SGIP1: variants seen among roughly 807,000 people sequenced by gnomAD.
The protein encoded by SGIP1 is SH3GL interacting endocytic adaptor 1, also known as SH3-containing GRB2-like protein 3-interacting protein 1.
Under a neutral mutation model 107.5 loss-of-function variants are expected in SGIP1, and 38 were observed. The observed-to-expected ratio is 0.35, with a 90% CI of 0.27 to 0.46. SGIP1 has a LOEUF of 0.46. SGIP1 is among the 20% of genes least tolerant of loss of function. SGIP1 has a pLI of 1.00. For synonymous variants in SGIP1, 365 were observed against 366.1 expected (o/e 1.00, Z 0.03); for missense variants, 929 against 1,019.5 (o/e 0.91, Z 1.21).
intron 18 of SGIP1, among the ~76,000 whole-genome samples, chr1:66,717,158 A>G (rs916689116): frequency 3.3e-5 from 5 of 152,198 alleles, no homozygotes; most frequent in Non-Finnish European, 7.4e-5. Context: ...AGATTTATCT[A>G]TCCTCCTCAC....
At chr1:66,588,384 A>G (rs1037595174) in intron 1 of SGIP1, among the ~76,000 whole-genome samples, 1 of 152,028 alleles carries the variant, frequency 6.6e-6, no homozygotes, top group African/African-American at 2.4e-5. Context: ...GCAAAACAAA[A>G]AAATATTAGA....
chr1:66,533,773 G>T (rs1375214883), upstream of SGIP1: 1 of 152,590 alleles, frequency 6.6e-6, no homozygotes, highest in Admixed American at 6.5e-5. Context: ...AAGAAAGAAA[G>T]AAAGAAAAAG....
rs12754131 is a variant in SGIP1, at chr1:66,750,034, G to T, written c.*6939G>T. Reference sequence around the variant, plus strand: ...CTCTCTCTTTCTCTGTGTGTGTGTGGGGGTGTGTGTGTGTGTGTGTGTGTG... The same window carrying T: ...CTCTCTCTTTCTCTGTGTGTGTGTGTGGGTGTGTGTGTGTGTGTGTGTGTG... On this transcript the variant is annotated 3_prime_UTR_variant, in exon 25 of 25. Coordinates refer to ENST00000371037, the MANE Select transcript of SGIP1 (RefSeq NM_032291.4). 1.2e-3 allele frequency among the ~76,000 whole-genome samples: 110 copies of T among 92,122 alleles called. No homozygotes were observed. The highest frequency in any genetic ancestry group is 3.7e-3 in the African/African-American group (97 of 26,070). The allele number at this position is 92,122 out of a possible 152,430, so 60.4% of individuals were successfully genotyped here.
intron 1 of SGIP1, among the ~76,000 whole-genome samples, chr1:66,593,384 T>C (rs1469127770): frequency 6.6e-6 from 1 of 152,206 alleles, no homozygotes; most frequent in African/African-American, 2.4e-5. Context: ...TCTTCCAAAG[T>C]GGCTGTACCA....
intron 7 of SGIP1, among the ~76,000 whole-genome samples, chr1:66,656,580 C>G (rs560288024): frequency 6.6e-6 from 1 of 152,298 alleles, no homozygotes; most frequent in Admixed American, 6.5e-5. Context: ...GGACCACCAT[C>G]GTATACGCAG....
intron 1 of SGIP1, among the ~76,000 whole-genome samples, chr1:66,621,675 T>C (rs541395497): frequency 6.0e-4 from 92 of 152,362 alleles, no homozygotes; most frequent in African/African-American, 2.1e-3. Context: ...CTCTGGAAAT[T>C]TCATATAAAT....
chr1:66,691,794 C>G lies in SGIP1; in HGVS notation c.1570+1478C>G, dbSNP rs542661010. 5.9e-5 allele frequency among the ~76,000 whole-genome samples: 9 copies of G among 152,302 alleles called. No homozygotes were observed. In the South Asian group the frequency reaches 1.7e-3, roughly 28 times the overall value. On this transcript the variant is annotated intron_variant, in intron 17 of 24. Coordinates refer to ENST00000371037, the MANE Select transcript of SGIP1 (RefSeq NM_032291.4). ...AAACTGTCACTCAGAAAGCTGACCC[C>G]AAGTGACCTCAGATAAACCTGTAAC...
intron 1 of SGIP1, among the ~76,000 whole-genome samples, chr1:66,582,815 AT>A (rs1235563999): frequency 1.3e-4 from 19 of 151,948 alleles, no homozygotes; most frequent in Admixed American, 8.5e-4. Context: ...ACAATTTAGG[AT>A]TTTGTTAAGA....
chr1:66,620,317 T>TA (rs1418427406), intron 1 of SGIP1, among the ~76,000 whole-genome samples: 4 of 152,110 alleles, frequency 2.6e-5, no homozygotes, highest in Non-Finnish European at 4.4e-5. Context: ...AAAAGTTTTT[T>TA]AAAAAAATGT....
At chr1:66,590,834 C>A (rs1003032519) in intron 1 of SGIP1, among the ~76,000 whole-genome samples, 3 of 150,322 alleles carry the variant, frequency 2.0e-5, no homozygotes, top group Middle Eastern at 3.5e-3. Context: ...ATCTGCCCCC[C>A]TCAACCTTCC....
chr1:66,667,429 T>A, intron 8 of SGIP1, 101 bp from the exon 9 acceptor site: 2 of 1,085,816 alleles, frequency 1.8e-6, no homozygotes, highest in Non-Finnish European at 2.8e-6. Flanking sequence ...GAGTGTATGT[T>A]TGGTTAGCTG....
intron 18 of SGIP1, among the ~76,000 whole-genome samples, chr1:66,717,500 A>T (rs1017777483): frequency 2.6e-5 from 4 of 152,192 alleles, no homozygotes; most frequent in African/African-American, 9.6e-5. Context: ...TCATTACAGA[A>T]GCTAATGCCA....
In SGIP1 at chr1:66,642,970, C is replaced by G. The variant is rs2077045503; in HGVS notation, c.283+106C>G. The G allele has an allele frequency of 2.7e-5, 25 of 933,914 alleles. No homozygotes were observed. The South Asian group carries it at 4.2e-4, about 16-fold the overall frequency. 57.9% of individuals were successfully genotyped at this position (933,914 alleles called of 1,614,324 possible). A position where few individuals can be genotyped will look rare whatever the true frequency, so the allele number is the denominator to read the frequency against. On this transcript the variant is annotated intron_variant, in intron 6 of 24. Coordinates refer to ENST00000371037, the MANE Select transcript of SGIP1 (RefSeq NM_032291.4). ...ATAAAATAACCGAATCTTCACAAGT[C>G]CTGTTATCCCTAATATTAGAGATGA... is the stretch of plus-strand genomic sequence containing the variant.
chr1:66,659,392 A>T (rs2080425206), intron 7 of SGIP1, among the ~76,000 whole-genome samples: 1 of 152,192 alleles, frequency 6.6e-6, no homozygotes, highest in Non-Finnish European at 1.5e-5. Context: ...AAAATTAAGG[A>T]TGGGATCAAA....
chr1:66,565,490 G>C (rs2059516911), intron 1 of SGIP1, among the ~76,000 whole-genome samples: 1 of 151,882 alleles, frequency 6.6e-6, no homozygotes, highest in Non-Finnish European at 1.5e-5. Context: ...AAGGTTTCTG[G>C]CATCAAGAAA....
chr1:66,751,058 A>G lies in SGIP1; in HGVS notation c.*7963A>G, dbSNP rs1336284099. On this transcript the variant is annotated 3_prime_UTR_variant, in exon 25 of 25. Transcript: ENST00000371037. Reference sequence around the variant, plus strand: ...CCATTCCAGAACAAAGTTTAATTCTATATGTAAGTTGTTACTGAAATGTGA... The same window carrying G: ...CCATTCCAGAACAAAGTTTAATTCTGTATGTAAGTTGTTACTGAAATGTGA... Among the ~76,000 whole-genome samples the G allele has an allele frequency of 6.6e-6, 1 of 152,218 alleles. No individual in the cohort carries two copies. The highest frequency in any genetic ancestry group is 1.5e-5 in the Non-Finnish European group (1 of 68,030).
chr1:66,654,740 C>T (rs763542161), intron 7 of SGIP1, among the ~76,000 whole-genome samples: 2 of 152,202 alleles, frequency 1.3e-5, no homozygotes, highest in Non-Finnish European at 2.9e-5. Context: ...GGTGATATTT[C>T]CTTCTGACTT....
intron 1 of SGIP1, among the ~76,000 whole-genome samples, chr1:66,557,501 T>C (rs748778327): frequency 6.6e-6 from 1 of 152,158 alleles, no homozygotes; most frequent in South Asian, 2.1e-4. Flanking sequence ...CGGATTTCTC[T>C]ATCCTCTCCT....
At chr1:66,621,396 C>G (rs567585809) in intron 1 of SGIP1, among the ~76,000 whole-genome samples, 3 of 152,312 alleles carry the variant, frequency 2.0e-5, no homozygotes, top group Admixed American at 6.5e-5. Context: ...TCCCTTGTCA[C>G]AGAATAATCT....
Sources: gnomAD v4.1 joint callset for allele counts (sites outside exome capture counted in the v4.1 genomes callset) on GRCh38, gnomAD v4.1.1 for gene constraint, MANE v1.5 for transcripts, NCBI Gene and HGNC (gene_info 2026-07-23, HGNC 2026-07-21) for gene names.